The following CCDC198 variants were observed in gnomAD, a reference collection of about 807,000 sequenced individuals.
CCDC198 encodes coiled-coil domain containing 198, also known as factor associated with metabolism and energy.
CCDC198 carries 18 observed loss-of-function variants against 35.6 expected under a neutral mutation model. That is an observed-to-expected ratio of 0.51 (90% CI 0.35 to 0.75). The LOEUF is 0.75. Ranked by LOEUF, CCDC198 falls within the 30% of genes least tolerant of loss-of-function variation. The pLI, the probability that CCDC198 is intolerant of heterozygous loss-of-function variation, is 0.01. For missense variants in CCDC198, 365 were observed against 343.7 expected (o/e 1.06, Z -0.49); for synonymous variants, 119 against 113.4 (o/e 1.05, Z -0.31).
chr14:57,473,167 G>C (rs1003106310), intron 5 of CCDC198, among the ~76,000 whole-genome samples: 1 of 152,214 alleles, frequency 6.6e-6, no homozygotes, highest in African/African-American at 2.4e-5. Flanking sequence ...CATGCCTTGT[G>C]ATTTCTTGGG....
Position 57,481,632 on chromosome 14 carries a change from G to A in CCDC198, c.422C>T (p.Pro141Leu), listed in dbSNP as rs754631919. The A allele has an allele frequency of 1.2e-6, 2 of 1,611,230 alleles. No individual in the cohort carries two copies. Among genetic ancestry groups the A allele is most frequent in the East Asian group, 4.5e-5 (2 of 44,772 alleles). Residue 141 changes from proline to leucine, a missense_variant, in exon 4 of 6, where the codon CCA (proline) becomes CTA (leucine). Coordinates refer to ENST00000216445, the MANE Select transcript of CCDC198 (RefSeq NM_018168.4). The stretch of plus-strand genomic sequence containing the variant: ...TTGTCTGTTCTCAGAAGTATACATT[G>A]GAGTTTGCATTTTCTTTTCTAGTAC... ...KQVLEKKMQTPMYTSENRQYL... is the reference protein window; with the variant it reads ...KQVLEKKMQTLMYTSENRQYL...
In CCDC198 at chr14:57,471,398, G is replaced by GT. The variant is rs775202165; in HGVS notation, c.847dup (p.Thr283AsnfsTer9). On this transcript the variant is annotated frameshift_variant, in exon 6 of 6. Transcript: ENST00000216445. LOFTEE classifies it high-confidence loss of function. ...CTCATCGAAAAGTGGGATTCTCTCT[G>GT]TCCTGGTCCTCACCAGTGCTCGTGG... The GT allele has an allele frequency of 8.1e-6, 13 of 1,613,800 alleles. No homozygotes were observed. Among genetic ancestry groups the GT allele is most frequent in the Non-Finnish European group, 1.0e-5 (12 of 1,179,934 alleles).
chr14:57,480,727 G>A lies in CCDC198; in HGVS notation c.523C>T (p.His175Tyr). The change falls in exon 5 of 6, where the codon CAT (histidine) becomes TAT (tyrosine). Residue 175 changes from histidine to tyrosine, a missense_variant. Transcript: ENST00000216445. ...EAQMELKKSL[H>Y]GEARINKQSP... ...TGCTTATTAATTCTTGCCTCTCCATGAAGACTTTTCTTTAACTCCATTTGG... is the reference window on the plus strand; with the variant it reads ...TGCTTATTAATTCTTGCCTCTCCATAAAGACTTTTCTTTAACTCCATTTGG... 1.9e-6 allele frequency: 3 copies of A among 1,613,996 alleles called. No individual in the cohort carries two copies. Among genetic ancestry groups the A allele is most frequent in the Non-Finnish European group, 2.5e-6 (3 of 1,179,970 alleles).
At chr14:57,474,206 T>C (rs770942499) in intron 5 of CCDC198, among the ~76,000 whole-genome samples, 1 of 152,186 alleles carries the variant, frequency 6.6e-6, no homozygotes, top group East Asian at 1.9e-4. Context: ...AAATATTTGG[T>C]GAACAAATAG....
At chr14:57,485,781 A>G (rs142983205) in intron 2 of CCDC198, among the ~76,000 whole-genome samples, 157 of 152,312 alleles carry the variant, frequency 1.0e-3, no homozygotes, top group African/African-American at 3.6e-3. Context: ...ACAAGGGGGA[A>G]GAGCTCATCT....
chr14:57,475,552 CA>C (rs1173642457), intron 5 of CCDC198: 2 of 557,340 alleles, frequency 3.6e-6, no homozygotes, highest in East Asian at 1.7e-4. Flanking sequence ...ACTACAAATA[CA>C]AAAGTTAGCT....
chr14:57,491,215 A>C, intron 1 of CCDC198, 144 bp from the exon 2 acceptor site: 1 of 767,034 alleles, frequency 1.3e-6, no homozygotes, highest in South Asian at 1.9e-5. Flanking sequence ...GAATGTGGAG[A>C]TGAAACACAG....
At chr14:57,479,089 A>T in intron 5 of CCDC198, 1 of 1,173,562 alleles carries the variant, frequency 8.5e-7, no homozygotes, top group Non-Finnish European at 1.1e-6. Context: ...GTAGCGTAGA[A>T]GTTGTAGACA....
chr14:57,474,881 CTGTT>C (rs2066920507), intron 5 of CCDC198, among the ~76,000 whole-genome samples: 1 of 152,198 alleles, frequency 6.6e-6, no homozygotes, highest in African/African-American at 2.4e-5. Flanking sequence ...AGCATGAAAA[CTGTT>C]TGATGGTTGT....
chr14:57,478,381 C>A, intron 5 of CCDC198: 1 of 834,190 alleles, frequency 1.2e-6, no homozygotes. Context: ...CTCCTACCTT[C>A]TAGGTTGTGT....
chr14:57,486,245 C>T (rs930629940), intron 2 of CCDC198, among the ~76,000 whole-genome samples: 1 of 152,246 alleles, frequency 6.6e-6, no homozygotes, highest in African/African-American at 2.4e-5. Flanking sequence ...CATTACTGCA[C>T]GCCATGCCCA....
At chr14:57,481,105 G>T (rs992531939) in intron 4 of CCDC198, among the ~76,000 whole-genome samples, 1 of 152,194 alleles carries the variant, frequency 6.6e-6, no homozygotes, top group Non-Finnish European at 1.5e-5. Context: ...ACAGTTACAG[G>T]CATTACTGGT....
chr14:57,478,622 A>C (rs2067080723), intron 5 of CCDC198: 3 of 988,586 alleles, frequency 3.0e-6, no homozygotes, highest in Non-Finnish European at 3.6e-6. Context: ...TCAAGTGATG[A>C]CTCTTAAATG....
rs2066816146 is a variant in CCDC198 at position 57,471,477 on chromosome 14, G to C, written c.769C>G (p.Leu257Val). The C allele has an allele frequency of 6.2e-6, 10 of 1,614,008 alleles. No homozygotes were observed. Among genetic ancestry groups the C allele is most frequent in the Non-Finnish European group, 7.6e-6 (9 of 1,179,990 alleles). ...LHEQEAQGQL[L>V]WDSSSSDSDE... Reference sequence around the variant, plus strand: ...GAGTCAGAGCTGGAACTGTCCCAGAGAAGCTGTCCCTGGGCCTCTTGTTCA... The same window carrying C: ...GAGTCAGAGCTGGAACTGTCCCAGACAAGCTGTCCCTGGGCCTCTTGTTCA... The change falls in exon 6 of 6, where the codon CTC becomes GTC. Residue 257 changes from leucine to valine, a missense_variant. Coordinates refer to ENST00000216445, the MANE Select transcript of CCDC198 (RefSeq NM_018168.4).
intron 5 of CCDC198, among the ~76,000 whole-genome samples, chr14:57,479,370 T>A (rs2067109006): frequency 6.6e-6 from 1 of 152,144 alleles, no homozygotes; most frequent in Non-Finnish European, 1.5e-5. Context: ...ACTACGGGCA[T>A]GAGTCACCAC....
At position 57,471,123 on chromosome 14, in the gene CCDC198, G is replaced by T; in HGVS notation, c.*232C>A. On this transcript the variant is annotated 3_prime_UTR_variant, in exon 6 of 6. Transcript: ENST00000216445. ...GCTGAACTCAGCAACCCACAGGAAA[G>T]TGAGACAATAAAATGGCTCTTGGTT... The T allele has an allele frequency of 2.4e-6, 1 of 424,944 alleles. No individual in the cohort carries two copies. The highest frequency in any genetic ancestry group is 4.2e-6 in the Non-Finnish European group (1 of 238,300). The allele number at this position is 424,944 out of a possible 1,614,324, so 26.3% of individuals were successfully genotyped here. A position where few individuals can be genotyped will look rare whatever the true frequency, so the allele number is the denominator to read the frequency against.
intron 2 of CCDC198, among the ~76,000 whole-genome samples, chr14:57,487,271 A>G (rs1272173136): frequency 6.6e-6 from 1 of 152,202 alleles, no homozygotes; most frequent in Non-Finnish European, 1.5e-5. Flanking sequence ...CTCAAACAAA[A>G]CAAATGATCA....
chr14:57,477,316 T>A (rs1189914), intron 5 of CCDC198, among the ~76,000 whole-genome samples: 1 of 152,154 alleles, frequency 6.6e-6, no homozygotes, highest in African/African-American at 2.4e-5. Context: ...TGATATTTGC[T>A]TTACTTCTCT....
At chr14:57,473,733 G>C (rs886780022) in intron 5 of CCDC198, among the ~76,000 whole-genome samples, 13 of 152,052 alleles carry the variant, frequency 8.5e-5, no homozygotes, top group African/African-American at 2.9e-4. Context: ...ATATGAACCT[G>C]CTTATGCCAC....
Sources: allele counts gnomAD v4.1 joint callset (sites outside exome capture counted in the v4.1 genomes callset), GRCh38; gene constraint gnomAD v4.1.1; transcripts MANE v1.5; gene names NCBI Gene and HGNC (gene_info 2026-07-23, HGNC 2026-07-21).